KHDRBS2: variants seen among roughly 807,000 people sequenced by gnomAD.
KHDRBS2 encodes KH RNA binding domain containing, signal transduction associated 2, also known as KH domain-containing, RNA-binding, signal transduction-associated protein 2.
A neutral mutation model predicts 44.3 loss-of-function variants in KHDRBS2; 26 were observed. The ratio of observed to expected loss-of-function variants is 0.59; its 90% CI spans 0.43 to 0.81. KHDRBS2 has a LOEUF of 0.81. KHDRBS2 is among the 40% of genes least tolerant of loss of function. The pLI, the probability that KHDRBS2 is intolerant of heterozygous loss-of-function variation, is 0.00. For missense variants in KHDRBS2, 476 were observed against 433.1 expected (o/e 1.10, Z -0.88); for synonymous variants, 194 against 151.1 (o/e 1.28, Z -2.08).
chr6:62,059,842 A>G (rs1460946895), intron 2 of KHDRBS2, among the ~76,000 whole-genome samples: 1 of 151,884 alleles, frequency 6.6e-6, no homozygotes, highest in African/African-American at 2.4e-5. Flanking sequence ...AAAATAAGGA[A>G]GAAGGGTAAA....
At chr6:61,837,600 T>A (rs73476687) in intron 6 of KHDRBS2, among the ~76,000 whole-genome samples, 2,290 of 152,118 alleles carry the variant, frequency 0.015, 61 homozygotes, top group African/African-American at 0.052. Context: ...AAATAGGTGA[T>A]GAATGACCAC....
At chr6:61,596,292 C>T in the KHDRBS2 span, among the ~76,000 whole-genome samples, 2 of 152,148 alleles carry the variant, frequency 1.3e-5, no homozygotes, top group Admixed American at 1.3e-4. Context: ...AGACTGCTAA[C>T]AGGGGAAGCC....
At chr6:61,849,458 C>A (rs1210867429) in intron 6 of KHDRBS2, among the ~76,000 whole-genome samples, 7 of 151,986 alleles carry the variant, frequency 4.6e-5, no homozygotes, top group Non-Finnish European at 1.0e-4. Flanking sequence ...GAAACATCTA[C>A]ATTATTAAAT....
chr6:62,124,617 ACAC>A (rs986440692), intron 2 of KHDRBS2, among the ~76,000 whole-genome samples: 2 of 151,514 alleles, frequency 1.3e-5, no homozygotes, highest in Non-Finnish European at 2.9e-5. Flanking sequence ...ACACACACAC[ACAC>A]CACCTTTATC....
chr6:62,281,053 T>G (rs1248206616), intron 1 of KHDRBS2, among the ~76,000 whole-genome samples: 1 of 152,184 alleles, frequency 6.6e-6, no homozygotes, highest in Non-Finnish European at 1.5e-5. Flanking sequence ...GAAGCCTGAA[T>G]AGGTCTGAAA....
At chr6:61,707,526 C>T (rs1021461525) in intron 7 of KHDRBS2, among the ~76,000 whole-genome samples, 20 of 151,740 alleles carry the variant, frequency 1.3e-4, no homozygotes, top group African/African-American at 4.4e-4. Context: ...CATTCAAATG[C>T]TAAAAGCCAA....
intron 2 of KHDRBS2, among the ~76,000 whole-genome samples, chr6:62,082,215 G>A (rs1465463024): frequency 6.6e-6 from 1 of 151,634 alleles, no homozygotes; most frequent in Non-Finnish European, 1.5e-5. Context: ...GAAAAATTAG[G>A]AAACAAAATG....
At chr6:62,112,297 AAT>A (rs1296672931) in intron 2 of KHDRBS2, among the ~76,000 whole-genome samples, 1 of 152,138 alleles carries the variant, frequency 6.6e-6, no homozygotes, top group Non-Finnish European at 1.5e-5. Context: ...ATAATCCTCA[AAT>A]ATTATTTCCC....
intron 2 of KHDRBS2, among the ~76,000 whole-genome samples, chr6:62,101,964 T>C (rs1269378266): frequency 6.6e-6 from 1 of 152,208 alleles, no homozygotes. Flanking sequence ...CCATGAAGTT[T>C]ACTCATATCT....
chr6:61,551,704 T>G, the KHDRBS2 span, among the ~76,000 whole-genome samples: 1 of 152,136 alleles, frequency 6.6e-6, no homozygotes, highest in African/African-American at 2.4e-5. Flanking sequence ...GACTCTCTAT[T>G]CTGTCCCACT....
intron 1 of KHDRBS2, among the ~76,000 whole-genome samples, chr6:62,257,563 T>C (rs1039423800): frequency 6.6e-6 from 1 of 152,092 alleles, no homozygotes; most frequent in Non-Finnish European, 1.5e-5. Context: ...CTGTGAATAT[T>C]AAGTTAGTGC....
chr6:61,663,821 G>A, the KHDRBS2 span, among the ~76,000 whole-genome samples: 1 of 151,480 alleles, frequency 6.6e-6, no homozygotes. Flanking sequence ...TGAAAACTAA[G>A]TTTAATGAAA....
intron 2 of KHDRBS2, among the ~76,000 whole-genome samples, chr6:62,054,716 C>G (rs1789873458): frequency 6.6e-6 from 1 of 152,116 alleles, no homozygotes; most frequent in East Asian, 2.0e-4. Context: ...GTGGAAAAGT[C>G]AGGGAGCAGA....
chr6:61,954,615 T>G (rs1166256221), intron 4 of KHDRBS2, among the ~76,000 whole-genome samples: 3,278 of 117,304 alleles, frequency 0.028, 5 homozygotes, highest in African/African-American at 0.046. Flanking sequence ...TACTTATGTA[T>G]ACATATATAT....
chr6:61,756,977 T>C (rs1163414476), intron 6 of KHDRBS2, among the ~76,000 whole-genome samples: 3 of 152,106 alleles, frequency 2.0e-5, no homozygotes, highest in Admixed American at 6.5e-5. Flanking sequence ...AGAATGCACA[T>C]TTTTTACAGT....
chr6:61,791,195 C>G (rs796250288), intron 6 of KHDRBS2, among the ~76,000 whole-genome samples: 1 of 151,194 alleles, frequency 6.6e-6, no homozygotes, highest in South Asian at 2.1e-4. Flanking sequence ...TGATCAACTT[C>G]CGGCTCTGTT....
At chr6:62,148,443 T>C (rs1814398444) in intron 2 of KHDRBS2, among the ~76,000 whole-genome samples, 1 of 152,016 alleles carries the variant, frequency 6.6e-6, no homozygotes, top group East Asian at 1.9e-4. Context: ...GAGTACAATA[T>C]GGTAAGCAGT....
At chr6:62,177,568 T>C (rs1156860903) in intron 1 of KHDRBS2, among the ~76,000 whole-genome samples, 1 of 151,332 alleles carries the variant, frequency 6.6e-6, no homozygotes, top group Non-Finnish European at 1.5e-5. Flanking sequence ...GTGAAAAAAT[T>C]GATGAATTTA....
At chr6:62,051,463 C>A (rs1293533007) in intron 2 of KHDRBS2, among the ~76,000 whole-genome samples, 1 of 151,746 alleles carries the variant, frequency 6.6e-6, no homozygotes, top group Non-Finnish European at 1.5e-5. Flanking sequence ...CAAAGATTAT[C>A]CTTTCCTCAT....
Sources: gnomAD v4.1 joint callset for allele counts (sites outside exome capture counted in the v4.1 genomes callset) on GRCh38, gnomAD v4.1.1 for gene constraint, MANE v1.5 for transcripts, NCBI Gene and HGNC (gene_info 2026-07-23, HGNC 2026-07-21) for gene names.